Variants in PMF1 observed in about 807,000 individuals in gnomAD.
PMF1 encodes polyamine-modulated factor 1.
PMF1 carries 21 observed loss-of-function variants against 26.7 expected under a neutral mutation model. The observed-to-expected ratio is 0.79, with a 90% CI of 0.56 to 1.13. PMF1 has a LOEUF of 1.13. Among genes scored for constraint, PMF1 ranks in the 50% most tolerant of loss-of-function variants. The pLI, the probability that PMF1 is intolerant of heterozygous loss-of-function variation, is 0.00. For synonymous variants in PMF1, 105 were observed against 101.0 expected (o/e 1.04, Z -0.24); for missense variants, 266 against 254.9 (o/e 1.04, Z -0.30).
intron 1 of PMF1, chr1:156,225,696 C>A (rs1345731092): frequency 1.6e-5 from 19 of 1,210,024 alleles, no homozygotes; most frequent in African/African-American, 3.0e-5. Context: ...TTTTGGCTCC[C>A]TTAGCACTGT....
intron 4 of PMF1, among the ~76,000 whole-genome samples, chr1:156,238,426 G>A (rs182363024): frequency 0.013 from 2,021 of 152,328 alleles, 26 homozygotes; most frequent in Admixed American, 0.04. Flanking sequence ...AGGAGAAGAT[G>A]ATGATCAAGC....
intron 4 of PMF1, among the ~76,000 whole-genome samples, chr1:156,238,968 AG>A (rs1659196432): frequency 6.6e-6 from 1 of 151,516 alleles, no homozygotes; most frequent in Non-Finnish European, 1.5e-5. Flanking sequence ...CTGAGTCCTC[AG>A]GCAAGGCGCT....
intron 1 of PMF1, among the ~76,000 whole-genome samples, chr1:156,228,178 G>T (rs1301916975): frequency 7.1e-6 from 1 of 141,780 alleles, no homozygotes; most frequent in Non-Finnish European, 1.5e-5. Context: ...TAGGTGATCT[G>T]CTCCTGACCT....
chr1:156,237,465 T>TTTA (rs71080754), intron 4 of PMF1, among the ~76,000 whole-genome samples: 1 of 149,912 alleles, frequency 6.7e-6, no homozygotes, highest in Non-Finnish European at 1.5e-5. Context: ...TTTTTTTTTT[T>TTTA]AGACAGAGTC....
At chr1:156,214,433 T>G (rs2103069029) in intron 1 of PMF1, among the ~76,000 whole-genome samples, 1 of 152,288 alleles carries the variant, frequency 6.6e-6, no homozygotes, top group African/African-American at 2.4e-5. Flanking sequence ...TTCCTACGCA[T>G]AATTAATGAT....
intron 1 of PMF1, chr1:156,225,566 C>T (rs1033115493): frequency 1.9e-6 from 3 of 1,550,794 alleles, no homozygotes; most frequent in Admixed American, 1.9e-5. Context: ...GCTCTCCACT[C>T]CTTCATTGGG....
intron 3 of PMF1, among the ~76,000 whole-genome samples, chr1:156,234,800 C>T (rs1191428780): frequency 6.6e-6 from 1 of 152,062 alleles, no homozygotes; most frequent in Admixed American, 6.6e-5. Flanking sequence ...TGAGCCCTCG[C>T]GCCCAGCCTC....
At chr1:156,222,343 C>A (rs139505578) in intron 1 of PMF1, among the ~76,000 whole-genome samples, 2 of 152,262 alleles carry the variant, frequency 1.3e-5, no homozygotes, top group East Asian at 3.9e-4. Context: ...CAGCTGGTTT[C>A]CAGAGAAAGG....
At chr1:156,224,982 C>T (rs1658277531) in intron 1 of PMF1, among the ~76,000 whole-genome samples, 2 of 151,678 alleles carry the variant, frequency 1.3e-5, no homozygotes, top group South Asian at 4.2e-4. Flanking sequence ...TCACTGCAAC[C>T]TCCGCCTCCC....
chr1:156,236,865 G>C, intron 4 of PMF1: 1 of 222,760 alleles, frequency 4.5e-6, no homozygotes, highest in Non-Finnish European at 8.9e-6. Context: ...TTCTAAACCC[G>C]GTATATGGTA....
rs1658764101 is a variant in PMF1 at position 156,232,399 on chromosome 1, A to G, written c.241A>G (p.Ile81Val). Residue 81 changes from isoleucine to valine, a missense_variant, in exon 2 of 5, where the codon ATA becomes GTA. Ile to Val is a conservative substitution (Grantham distance 29). Coordinates refer to ENST00000368277, the MANE Select transcript of PMF1 (RefSeq NM_007221.4). ...GACACAGCAAATCTATGACAAGTTTATAGCTCAGTTGCAGACATCTATCCG... is the reference window on the plus strand; with the variant it reads ...GACACAGCAAATCTATGACAAGTTTGTAGCTCAGTTGCAGACATCTATCCG... ...AMTQQIYDKF[I>V]AQLQTSIREE... The G allele has an allele frequency of 2.5e-6, 4 of 1,613,848 alleles. No individual in the cohort carries two copies. The highest frequency in any genetic ancestry group is 1.1e-5 in the South Asian group (1 of 91,092).
intron 1 of PMF1, chr1:156,225,445 C>T (rs1038148449): frequency 7.5e-5 from 48 of 637,678 alleles, no homozygotes; most frequent in Non-Finnish European, 1.1e-4. Context: ...TTATCCCTCA[C>T]CCCCCTCCCA....
Position 156,213,162 on chromosome 1 carries a change from G to A in PMF1, c.147G>A (p.Leu49=). ...DTMVDTFLQK[L]VAAGSYQRFT... is the part of the protein sequence containing the mutation. ...TGGTGGACACTTTTCTTCAGAAGCT[G>A]GTCGCCGCCGGCAGGTAAAGTGGAC... Residue 49 remains leucine (L), a synonymous_variant, in exon 1 of 5, where the codon CTG becomes CTA. Coordinates refer to ENST00000368277, the MANE Select transcript of PMF1 (RefSeq NM_007221.4). 1 of 1,613,146 alleles carries A rather than the reference G, an allele frequency of 6.2e-7. No homozygotes were observed. Among genetic ancestry groups the A allele is most frequent in the Non-Finnish European group, 8.5e-7 (1 of 1,179,158 alleles).
At position 156,236,410 on chromosome 1, in the gene PMF1, A is replaced by G; in HGVS notation, c.491A>G (p.Asp164Gly). 7.4e-6 allele frequency: 12 copies of G among 1,614,176 alleles called. No homozygotes were observed. The highest frequency in any genetic ancestry group is 9.3e-6 in the Non-Finnish European group (11 of 1,180,004). Reference sequence around the variant, plus strand: ...GAGGCCGAGAACCAGCAGCTGGCAGATGCCGTCCTGGCAGGGCGGAGGCAG... The same window carrying G: ...GAGGCCGAGAACCAGCAGCTGGCAGGTGCCGTCCTGGCAGGGCGGAGGCAG... ...KQEAENQQLA[D>G]AVLAGRRQVE... The change falls in exon 4 of 5, where the codon GAT becomes GGT. Residue 164 changes from aspartate (D) to glycine (G), a missense_variant. Coordinates refer to ENST00000368277, the MANE Select transcript of PMF1 (RefSeq NM_007221.4).
In PMF1 at chr1:156,215,987, A is replaced by G. The variant is rs553331298; in HGVS notation, c.161+2811A>G. Among the ~76,000 whole-genome samples, 4 of 152,322 alleles carry G rather than the reference A, an allele frequency of 2.6e-5. No homozygotes were observed. In the South Asian group the frequency reaches 8.3e-4, roughly 32 times the overall value. On this transcript the variant is annotated intron_variant, in intron 1 of 4. Coordinates refer to ENST00000368277, the MANE Select transcript of PMF1 (RefSeq NM_007221.4). The stretch of plus-strand genomic sequence containing the variant: ...ATATTTACTGACCATTGACAGTGTC[A>G]ATAAATTTGTTCTAGTTCTAGTAGG...
chr1:156,231,008 G>A (rs1658665693), intron 1 of PMF1, among the ~76,000 whole-genome samples: 1 of 152,084 alleles, frequency 6.6e-6, no homozygotes, highest in Admixed American at 6.5e-5. Flanking sequence ...GAGGTCAGGA[G>A]ATCAAGACCA....
intron 1 of PMF1, among the ~76,000 whole-genome samples, chr1:156,227,249 A>G (rs762457147): frequency 5.3e-5 from 8 of 152,084 alleles, no homozygotes; most frequent in Non-Finnish European, 1.0e-4. Context: ...CACGCCTGTA[A>G]TCCCAGCACT....
At chr1:156,214,887 T>TTATTA (rs1558187651) in intron 1 of PMF1, among the ~76,000 whole-genome samples, 1 of 149,936 alleles carries the variant, frequency 6.7e-6, no homozygotes, top group East Asian at 1.9e-4. Context: ...TATTATTATT[T>TTATTA]TTTTTTTTTA....
Position 156,232,497 on chromosome 1 carries a change from A to C in PMF1, c.267+72A>C. On this transcript the variant is annotated intron_variant, in intron 2 of 4. Coordinates refer to ENST00000368277, the MANE Select transcript of PMF1 (RefSeq NM_007221.4). ...TCCAGATTGTCAGTCCCCTGAGGGC[A>C]GTGGCCCCACCCTCTACACCTCTGT... 5 of 1,462,784 alleles carry C rather than the reference A, an allele frequency of 3.4e-6. No individual in the cohort carries two copies. The South Asian group carries it at 5.8e-5, about 17-fold the overall frequency. The allele number at this position is 1,462,784 out of a possible 1,614,324, so 90.6% of individuals were successfully genotyped here.
Sources: gnomAD v4.1 joint callset for allele counts (sites outside exome capture counted in the v4.1 genomes callset) on GRCh38, gnomAD v4.1.1 for gene constraint, MANE v1.5 for transcripts, NCBI Gene and HGNC (gene_info 2026-07-23, HGNC 2026-07-21) for gene names.